Variants in CUL1 observed in about 807,000 individuals in gnomAD.
The protein encoded by CUL1 is cullin-1.
Under a neutral mutation model 118.0 loss-of-function variants are expected in CUL1, and 24 were observed. That is an observed-to-expected ratio of 0.20 (90% CI 0.15 to 0.29). The LOEUF is 0.29. Ranked by LOEUF, CUL1 falls within the 10% of genes least tolerant of loss-of-function variation. The probability of loss-of-function intolerance (pLI) is 1.00; values close to 1 mark genes in which losing one functional copy is unlikely to be tolerated. For synonymous variants in CUL1, 332 were observed against 340.4 expected (o/e 0.98, Z 0.27); for missense variants, 361 against 933.8 (o/e 0.39, Z 7.99).
In CUL1 at chr7:148,767,630, A is replaced by T. The variant is rs1310175647; in HGVS notation, c.964A>T (p.Met322Leu). Residue 322 changes from methionine to leucine, a missense_variant, in exon 9 of 22, where the codon ATG becomes TTG. Physicochemically the swap from Met to Leu is conservative, Grantham distance 15 (BLOSUM62 2). Around this residue, in one of 7 missense-constraint regions of CUL1, gnomAD observed 169 missense variants for 429.7 expected, o/e 0.39. Transcript: ENST00000325222. ...DADKNEDLGR[M>L]YNLVSRIQDG... is the part of the protein sequence containing the mutation. ...TCTTCCTCTTTCAGATTTGGGACGC[A>T]TGTATAATCTTGTATCTAGAATCCA... is the stretch of plus-strand genomic sequence containing the variant. The T allele has an allele frequency of 2.5e-6, 4 of 1,613,512 alleles. No individual in the cohort carries two copies. Among genetic ancestry groups the T allele is most frequent in the Non-Finnish European group, 3.4e-6 (4 of 1,179,890 alleles).
intron 2 of CUL1, among the ~76,000 whole-genome samples, chr7:148,751,560 CTTGTCACT>C (rs1181351832): frequency 6.8e-6 from 1 of 146,164 alleles, no homozygotes; most frequent in African/African-American, 2.6e-5. Context: ...AAAAACCTCT[CTTGTCACT>C]TTGTCACTTA....
chr7:148,748,718 G>A (rs1232289213), intron 2 of CUL1, among the ~76,000 whole-genome samples: 1 of 151,952 alleles, frequency 6.6e-6, no homozygotes, highest in East Asian at 1.9e-4. Flanking sequence ...TGAAATAATG[G>A]CCCCCCCGTT....
At position 148,792,731 on chromosome 7, in the gene CUL1, G is replaced by C. The variant is rs146551045; in HGVS notation, c.1812G>C (p.Ser604=). 6 of 1,610,272 alleles carry C rather than the reference G, an allele frequency of 3.7e-6. No individual in the cohort carries two copies. Among genetic ancestry groups the C allele is most frequent in the Non-Finnish European group, 5.1e-6 (6 of 1,178,320 alleles). ...CFKNRYTLQA[S]TFQMAILLQY... is the part of the protein sequence containing the mutation. ...TTATATGGGGGGCCGCAAAGGCGTCGACATTCCAGATGGCTATCCTGCTTC... is the reference window on the plus strand; with the variant it reads ...TTATATGGGGGGCCGCAAAGGCGTCCACATTCCAGATGGCTATCCTGCTTC... The change falls in exon 17 of 22, where the codon TCG becomes TCC. Residue 604 remains serine, a synonymous_variant. Transcript: ENST00000325222.
chr7:148,798,474 G>T, intron 19 of CUL1, 98 bp from the exon 20 acceptor site: 1 of 810,420 alleles, frequency 1.2e-6, no homozygotes. Context: ...CTCTGTCTAG[G>T]GAAGCAGGGC....
intron 2 of CUL1, among the ~76,000 whole-genome samples, chr7:148,730,751 A>T (rs557783025): frequency 6.6e-6 from 1 of 152,212 alleles, no homozygotes; most frequent in Non-Finnish European, 1.5e-5. Context: ...TTTTACAGGA[A>T]AAGTTTGTTT....
At chr7:148,734,558 A>G (rs975807560) in intron 2 of CUL1, among the ~76,000 whole-genome samples, 1 of 152,238 alleles carries the variant, frequency 6.6e-6, no homozygotes, top group African/African-American at 2.4e-5. Context: ...TTTCTTGTGC[A>G]ATAAAATACA....
Position 148,754,797 on chromosome 7 carries a change from A to C in CUL1, c.315+647A>C, listed in dbSNP as rs151251279. 5.7e-3 allele frequency among the ~76,000 whole-genome samples: 855 copies of C among 150,224 alleles called. 10 individuals are homozygous for C. Among genetic ancestry groups the C allele is most frequent in the African/African-American group, 0.019 (770 of 40,796 alleles). Reference sequence around the variant, plus strand: ...GGTCTTGTTCTGTCACCCAGGCTGGAGTGCAGTAGTGCAATCATAGGTCAT... The same window carrying C: ...GGTCTTGTTCTGTCACCCAGGCTGGCGTGCAGTAGTGCAATCATAGGTCAT... On this transcript the variant is annotated intron_variant, in intron 3 of 21. Transcript: ENST00000325222.
At chr7:148,725,716 TTCATGATGTGCCTAC>T (rs1798557710) in intron 1 of CUL1, among the ~76,000 whole-genome samples, 1 of 152,226 alleles carries the variant, frequency 6.6e-6, no homozygotes, top group South Asian at 2.1e-4. Context: ...TTTAGACATT[TTCATGATGTGCCTAC>T]TTCTAACATT....
intron 2 of CUL1, among the ~76,000 whole-genome samples, chr7:148,741,755 G>T (rs530183326): frequency 1.1e-4 from 16 of 150,892 alleles, no homozygotes; most frequent in Non-Finnish European, 2.1e-4. Flanking sequence ...GGTGTTTGTA[G>T]TAGAGACAGG....
Position 148,790,434 on chromosome 7 carries a change from C to T in CUL1, c.1799C>T (p.Thr600Ile). The change falls in exon 16 of 22, where the codon ACT (threonine) becomes ATT (isoleucine). Residue 600 changes from threonine to isoleucine, a missense_variant. Coordinates refer to ENST00000325222, the MANE Select transcript of CUL1 (RefSeq NM_003592.3). ...ACTAACTGCTTCAAAAACAGATATACTTTGCAGGTAAGATCACATTTTTAT... is the reference window on the plus strand; with the variant it reads ...ACTAACTGCTTCAAAAACAGATATATTTTGCAGGTAAGATCACATTTTTAT... ...LVTNCFKNRY[T>I]LQASTFQMAI... is the part of the protein sequence containing the mutation. 2 of 1,613,244 alleles carry T rather than the reference C, an allele frequency of 1.2e-6. No individual in the cohort carries two copies. Among genetic ancestry groups the T allele is most frequent in the Non-Finnish European group, 8.5e-7 (1 of 1,179,270 alleles).
At chr7:148,767,230 A>G (rs998450995) in intron 8 of CUL1, among the ~76,000 whole-genome samples, 3 of 152,234 alleles carry the variant, frequency 2.0e-5, no homozygotes, top group East Asian at 1.9e-4. Flanking sequence ...AAATGTATTC[A>G]TTATTTTTAA....
intron 1 of CUL1, among the ~76,000 whole-genome samples, chr7:148,707,607 C>T (rs926560899): frequency 1.3e-5 from 2 of 152,070 alleles, no homozygotes; most frequent in Non-Finnish European, 2.9e-5. Context: ...GTATTAAGCC[C>T]TGCATACATT....
rs150410106 is a variant in CUL1 at position 148,741,432 on chromosome 7, T to G, written c.140+11170T>G. On this transcript the variant is annotated intron_variant, in intron 2 of 21. Coordinates refer to ENST00000325222, the MANE Select transcript of CUL1 (RefSeq NM_003592.3). Reference sequence around the variant, plus strand: ...CACTTGTTGTGTTGTGTTGTATTTATTTATTTAGTTATTTACTTACTTATT... The same window carrying G: ...CACTTGTTGTGTTGTGTTGTATTTAGTTATTTAGTTATTTACTTACTTATT... Among the ~76,000 whole-genome samples, 86 of 142,646 alleles carry G rather than the reference T, an allele frequency of 6.0e-4. 2 individuals carry two copies. In the East Asian group the frequency reaches 0.016, roughly 26 times the overall value. The allele number at this position is 142,646 out of a possible 152,430, so 93.6% of individuals were successfully genotyped here.
chr7:148,721,365 C>T lies in CUL1; in HGVS notation c.-161-8597C>T, dbSNP rs548834008. 1.8e-3 allele frequency among the ~76,000 whole-genome samples: 274 copies of T among 152,238 alleles called. 4 individuals are homozygous for T. The highest frequency in any genetic ancestry group is 6.1e-3 in the African/African-American group (255 of 41,536). On this transcript the variant is annotated intron_variant, in intron 1 of 21. Coordinates refer to ENST00000325222, the MANE Select transcript of CUL1 (RefSeq NM_003592.3). ...CCTCACCCTAAATGCTTTTGCTTTTCTATTTTTACTTATGCTATATAGGTT... is the reference window on the plus strand; with the variant it reads ...CCTCACCCTAAATGCTTTTGCTTTTTTATTTTTACTTATGCTATATAGGTT...
At chr7:148,753,842 G>C in intron 2 of CUL1, 134 bp from the exon 3 acceptor site, 1 of 643,552 alleles carries the variant, frequency 1.6e-6, no homozygotes, top group South Asian at 2.5e-5. Flanking sequence ...TGGGATCTTT[G>C]TTCCATTCTA....
At chr7:148,740,570 A>G (rs960803874) in intron 2 of CUL1, among the ~76,000 whole-genome samples, 7 of 152,124 alleles carry the variant, frequency 4.6e-5, no homozygotes, top group African/African-American at 1.7e-4. Context: ...AAATTCACCT[A>G]TTCTGAACAT....
intron 2 of CUL1, among the ~76,000 whole-genome samples, chr7:148,746,586 A>C (rs1209137971): frequency 1.3e-5 from 2 of 152,220 alleles, no homozygotes; most frequent in African/African-American, 4.8e-5. Context: ...GGAAAAACAC[A>C]GACATCCTTA....
At chr7:148,737,599 T>A (rs1462172945) in intron 2 of CUL1, among the ~76,000 whole-genome samples, 1 of 149,078 alleles carries the variant, frequency 6.7e-6, no homozygotes, top group African/African-American at 2.5e-5. Flanking sequence ...TATTTATTTA[T>A]TTATTTATTT....
chr7:148,715,974 T>C (rs898170751), intron 1 of CUL1, among the ~76,000 whole-genome samples: 1 of 152,214 alleles, frequency 6.6e-6, no homozygotes, highest in African/African-American at 2.4e-5. Context: ...TTCATATAAA[T>C]ACACTTATAT....
Sources: gnomAD v4.1 joint callset for allele counts (sites outside exome capture counted in the v4.1 genomes callset) on GRCh38, gnomAD v4.1.1 for gene constraint, gnomAD v4.1.1 regional missense constraint, MANE v1.5 for transcripts, NCBI Gene and HGNC (gene_info 2026-07-23, HGNC 2026-07-21) for gene names.